The following SPTBN4 variants were observed in gnomAD, a reference collection of about 807,000 sequenced individuals.
SPTBN4 encodes spectrin beta chain, non-erythrocytic 4.
In SPTBN4, 96 loss-of-function variants were observed where a neutral mutation model predicts 277.8. The ratio of observed to expected loss-of-function variants is 0.35; its 90% CI spans 0.29 to 0.41. SPTBN4 has a LOEUF of 0.41. Among genes scored for constraint, SPTBN4 ranks in the 10% least tolerant of loss-of-function variants. SPTBN4 has a pLI of 1.00. For missense variants in SPTBN4, 3,006 were observed against 3,595.7 expected, an observed-to-expected ratio of 0.84 and a Z score of 4.19; for synonymous variants, 1,481 against 1,580.3, an observed-to-expected ratio of 0.94 and a Z score of 1.49.
intron 17 of SPTBN4, among the ~76,000 whole-genome samples, chr19:40,525,073 A>G (rs1270931623): frequency 1.3e-5 from 2 of 152,058 alleles, no homozygotes; most frequent in African/African-American, 4.8e-5. Context: ...AAGGGGACCC[A>G]GTACCCCTCC....
At chr19:40,536,204 C>CCCTT (rs200101225) in intron 20 of SPTBN4, among the ~76,000 whole-genome samples, 48 of 151,616 alleles carry the variant, frequency 3.2e-4, no homozygotes, top group Admixed American at 2.0e-3. Flanking sequence ...CTTTTCCCCT[C>CCCTT]CCTTCCTTCC....
intron 16 of SPTBN4, among the ~76,000 whole-genome samples, chr19:40,521,322 C>T (rs758179415): frequency 2.0e-4 from 30 of 152,168 alleles, no homozygotes; most frequent in African/African-American, 5.5e-4. Context: ...ATGATTCAAG[C>T]GAATTACATT....
chr19:40,523,675 G>T, intron 17 of SPTBN4, 36 bp downstream of exon 17: 1 of 1,564,422 alleles, frequency 6.4e-7, no homozygotes, highest in Non-Finnish European at 8.7e-7. Context: ...CAGGGAGGGG[G>T]CAGAAGATGG....
intron 19 of SPTBN4, among the ~76,000 whole-genome samples, chr19:40,533,803 G>C (rs1036755242): frequency 6.6e-6 from 1 of 151,894 alleles, no homozygotes; most frequent in African/African-American, 2.4e-5. Flanking sequence ...CCATGTCTCT[G>C]TGTCCATCTG....
At chr19:40,498,373 TTTTA>T (rs372763000) in intron 7 of SPTBN4, among the ~76,000 whole-genome samples, 3,603 of 141,126 alleles carry the variant, frequency 0.026, 50 homozygotes, top group African/African-American at 0.042. Flanking sequence ...TTTTATTTTA[TTTTA>T]TTTATTTATT....
Position 40,519,722 on chromosome 19 carries a change from C to G in SPTBN4, c.3225C>G (p.Ser1075Arg). 7.2e-7 allele frequency: 1 copy of G among 1,398,080 alleles called. No homozygotes were observed. Among genetic ancestry groups the G allele is most frequent in the South Asian group, 1.6e-5 (1 of 62,538 alleles). 86.6% of individuals were successfully genotyped at this position (1,398,080 alleles called of 1,614,324 possible). A position where few individuals can be genotyped will look rare whatever the true frequency, so the allele number is the denominator to read the frequency against. ...GCGCCGAGTGGGGCGCGCTAGCTAG[C>G]GCGGCTCAGGCCTGCGGCGAGGCGG... ...ELGAEWGALA[S>R]AAQACGEAVA... The change falls in exon 16 of 36, where the codon AGC (serine) becomes AGG (arginine). Residue 1075 changes from serine (S) to arginine (R), a missense_variant. Physicochemically the swap from Ser to Arg is moderately radical, Grantham distance 110. Around this residue, in one of 5 missense-constraint regions of SPTBN4, gnomAD observed 1,759 missense variants for 2,061.5 expected, o/e 0.85. Coordinates refer to ENST00000598249, the MANE Select transcript of SPTBN4 (RefSeq NM_020971.3). This position sits in a 1 kb window ranked among gnomAD's most constrained non-coding sequence, Gnocchi z 5.7.
intron 27 of SPTBN4, among the ~76,000 whole-genome samples, chr19:40,562,665 T>C (rs1015364839): frequency 5.4e-5 from 8 of 148,286 alleles, no homozygotes; most frequent in African/African-American, 2.0e-4. Context: ...AGAAACCTCA[T>C]CTCTACTAAA....
In SPTBN4 at chr19:40,534,435, G is replaced by A. The variant is rs2080712685; in HGVS notation, c.4359+92G>A. ...CACTCAAGGTATGTCAAGTGGAGGG[G>A]ATTTAATACAGGGATTTATTTCAAA... is the stretch of plus-strand genomic sequence containing the variant. On this transcript the variant is annotated intron_variant, in intron 20 of 35. Transcript: ENST00000598249. The A allele has an allele frequency of 3.5e-6, 5 of 1,435,164 alleles. No individual in the cohort carries two copies. The Admixed American group carries it at 9.8e-5, about 28-fold the overall frequency. The allele number at this position is 1,435,164 out of a possible 1,614,324, so 88.9% of individuals were successfully genotyped here.
At position 40,516,795 on chromosome 19, in the gene SPTBN4, G is replaced by A. The variant is rs2080465824; in HGVS notation, c.2903+1347G>A. 3.9e-5 allele frequency among the ~76,000 whole-genome samples: 6 copies of A among 152,108 alleles called. No homozygotes were observed. In the South Asian group the frequency reaches 1.2e-3, roughly 31 times the overall value. On this transcript the variant is annotated intron_variant, in intron 15 of 35. Coordinates refer to ENST00000598249, the MANE Select transcript of SPTBN4 (RefSeq NM_020971.3). ...GCCAAGATCACACCACTGCACTCCA[G>A]CCTAGGTGACAGAGCAAGAATCTAT...
At chr19:40,564,977 G>T (rs1187861328) in intron 27 of SPTBN4, among the ~76,000 whole-genome samples, 2 of 152,058 alleles carry the variant, frequency 1.3e-5, no homozygotes, top group African/African-American at 2.4e-5. Flanking sequence ...GAAAGTAGGT[G>T]TCTCAGTCTG....
Position 40,520,085 on chromosome 19 carries a change from C to G in SPTBN4, c.3588C>G (p.Val1196=), listed in dbSNP as rs757481185. 9.4e-6 allele frequency: 14 copies of G among 1,496,986 alleles called. No individual in the cohort carries two copies. The African/African-American group carries it at 2.0e-4, about 22-fold the overall frequency. 92.7% of individuals were successfully genotyped at this position (1,496,986 alleles called of 1,614,324 possible). A position where few individuals can be genotyped will look rare whatever the true frequency, so the allele number is the denominator to read the frequency against. The stretch of plus-strand genomic sequence containing the variant: ...GGGAGGCGCGCAGGGAGGCGCTGGT[C>G]CAGGCGCACATCTACCAGCTCTTCC... ...GLWEARREAL[V]QAHIYQLFLR... Residue 1196 remains valine (V), a synonymous_variant, in exon 16 of 36, where the codon GTC becomes GTG. Coordinates refer to ENST00000598249, the MANE Select transcript of SPTBN4 (RefSeq NM_020971.3).
At chr19:40,483,526 T>G (rs2145817118) in intron 2 of SPTBN4, among the ~76,000 whole-genome samples, 1 of 152,324 alleles carries the variant, frequency 6.6e-6, no homozygotes, top group Admixed American at 6.5e-5. Context: ...GCACCTTGAA[T>G]GTTTACCTCT....
Position 40,571,709 on chromosome 19 carries a change from G to A in SPTBN4, c.7320-310G>A, listed in dbSNP as rs1422218697. 13 of 260,544 alleles carry A rather than the reference G, an allele frequency of 5.0e-5. No homozygotes were observed. The East Asian group carries it at 8.3e-4, about 17-fold the overall frequency. 16.1% of individuals were successfully genotyped at this position (260,544 alleles called of 1,614,324 possible). On this transcript the variant is annotated intron_variant, in intron 33 of 35. Transcript: ENST00000598249. ...TTCCTTGAGAAAGCTCCATGAGTGG[G>A]GAGGATTGAGTGGAGCAAAGGCTTA...
At chr19:40,550,031 G>A (rs1469364732) in intron 21 of SPTBN4, among the ~76,000 whole-genome samples, 2 of 152,036 alleles carry the variant, frequency 1.3e-5, no homozygotes, top group Non-Finnish European at 2.9e-5. Flanking sequence ...AGCTACATGG[G>A]AGGCTGAGGT....
At chr19:40,476,582 TTTTG>T (rs1188633647) in intron 2 of SPTBN4, among the ~76,000 whole-genome samples, 2 of 151,976 alleles carry the variant, frequency 1.3e-5, no homozygotes, top group Non-Finnish European at 2.9e-5. Flanking sequence ...TTGTTTTTAG[TTTTG>T]TTTGTTTGTT....
chr19:40,520,037 C>T lies in SPTBN4; in HGVS notation c.3540C>T (p.Gly1180=). 6.4e-7 allele frequency: 1 copy of T among 1,559,678 alleles called. No homozygotes were observed. The highest frequency in any genetic ancestry group is 8.7e-7 in the Non-Finnish European group (1 of 1,155,188). ...LDEWLPHLEL[G]WHKLLGLWEA... Reference sequence around the variant, plus strand: ...AGTGGCTGCCACACCTCGAACTTGGCTGGCATAAACTGCTCGGCTTGTGGG... The same window carrying T: ...AGTGGCTGCCACACCTCGAACTTGGTTGGCATAAACTGCTCGGCTTGTGGG... Residue 1180 remains glycine, a synonymous_variant, in exon 16 of 36, where the codon GGC becomes GGT. Coordinates refer to ENST00000598249, the MANE Select transcript of SPTBN4 (RefSeq NM_020971.3).
rs543732549 is a variant in SPTBN4, at chr19:40,474,672, G to A, written c.169+1882G>A. On this transcript the variant is annotated intron_variant, in intron 2 of 35. Transcript: ENST00000598249. Reference sequence around the variant, plus strand: ...CCCAGCACTTTGGGAGGCTGAGGCGGATGGATCACTTGAGATCAGGAGTTT... The same window carrying A: ...CCCAGCACTTTGGGAGGCTGAGGCGAATGGATCACTTGAGATCAGGAGTTT... Among the ~76,000 whole-genome samples, 62 of 152,132 alleles carry A rather than the reference G, an allele frequency of 4.1e-4. 2 individuals are homozygous for A. In the South Asian group the frequency reaches 5.8e-3, roughly 14 times the overall value.
At chr19:40,543,932 C>T (rs1029292806) in intron 20 of SPTBN4, among the ~76,000 whole-genome samples, 1 of 152,160 alleles carries the variant, frequency 6.6e-6, no homozygotes, top group African/African-American at 2.4e-5. Context: ...GTGAAGACAT[C>T]AAAACCTCTA....
chr19:40,553,124 A>C (rs533160524), intron 22 of SPTBN4, among the ~76,000 whole-genome samples: 10 of 152,226 alleles, frequency 6.6e-5, no homozygotes, highest in Non-Finnish European at 1.5e-5. Flanking sequence ...GTGTGAGGCT[A>C]TATTATGTAA....
Sources: gnomAD v4.1 joint callset for allele counts (sites outside exome capture counted in the v4.1 genomes callset) on GRCh38, gnomAD v4.1.1 for gene constraint, gnomAD v4.1.1 regional missense constraint, Gnocchi (gnomAD v3.1) non-coding constraint, MANE v1.5 for transcripts, NCBI Gene and HGNC (gene_info 2026-07-23, HGNC 2026-07-21) for gene names.